The following HNRNPD variants were observed in gnomAD, a reference collection of about 807,000 sequenced individuals.
HNRNPD encodes heterogeneous nuclear ribonucleoprotein D.
Under a neutral mutation model 47.9 loss-of-function variants are expected in HNRNPD, and 3 were observed. The ratio of observed to expected loss-of-function variants is 0.06; its 90% CI spans 0.03 to 0.16. The LOEUF is 0.16. Among genes scored for constraint, HNRNPD ranks in the 10% least tolerant of loss-of-function variants. The pLI is 1.00. For synonymous variants in HNRNPD, 171 were observed against 165.1 expected (o/e 1.04, Z -0.28); for missense variants, 287 against 454.2 (o/e 0.63, Z 3.35).
rs902404848 is a variant in HNRNPD, at chr4:82,353,876, T to A, written c.*309A>T. 2.6e-5 allele frequency: 4 copies of A among 152,642 alleles called. No individual in the cohort carries two copies. The highest frequency in any genetic ancestry group is 4.8e-5 in the African/African-American group (2 of 41,462). 9.5% of individuals were successfully genotyped at this position (152,642 alleles called of 1,614,324 possible). A position where few individuals can be genotyped will look rare whatever the true frequency, so the allele number is the denominator to read the frequency against. On this transcript the variant is annotated 3_prime_UTR_variant, in exon 9 of 9. Transcript: ENST00000313899. ...AAAAAACCAGTAAGACACTACTACA[T>A]CATGACACTGTCACACTGGGCTTTT... is the stretch of plus-strand genomic sequence containing the variant.
At position 82,352,824 on chromosome 4, in the gene HNRNPD, T is replaced by C. The variant is rs1033812902; in HGVS notation, c.*1361A>G. 6.6e-6 allele frequency: 1 copy of C among 152,208 alleles called. No individual in the cohort carries two copies. The highest frequency in any genetic ancestry group is 1.5e-5 in the Non-Finnish European group (1 of 68,036). The allele number at this position is 152,208 out of a possible 1,614,324, so 9.4% of individuals were successfully genotyped here. A position where few individuals can be genotyped will look rare whatever the true frequency, so the allele number is the denominator to read the frequency against. The stretch of plus-strand genomic sequence containing the variant: ...AAACTTTAATAACACTAACTTTTGC[T>C]CATTAAAATGTTTGCTTAGTTGGAG... On this transcript the variant is annotated 3_prime_UTR_variant, in exon 9 of 9. Transcript: ENST00000313899.
chr4:82,358,614 C>A, intron 4 of HNRNPD, 45 bp downstream of exon 4: 1 of 1,548,732 alleles, frequency 6.5e-7, no homozygotes, highest in Non-Finnish European at 8.8e-7. Context: ...CAATCACATT[C>A]ACACTAATTT....
intron 2 of HNRNPD, among the ~76,000 whole-genome samples, chr4:82,370,981 T>TATATACACACACAC (rs142474751): frequency 1.7e-4 from 26 of 149,462 alleles, no homozygotes; most frequent in Non-Finnish European, 2.2e-4. Flanking sequence ...GGTATATATA[T>TATATACACACACAC]ACACACACAC....
chr4:82,368,462 A>G, intron 2 of HNRNPD, among the ~76,000 whole-genome samples: 1 of 152,180 alleles, frequency 6.6e-6, no homozygotes, highest in South Asian at 2.1e-4. Flanking sequence ...AGCACTGAAA[A>G]ACTTCAATGA....
intron 2 of HNRNPD, 136 bp from the exon 3 acceptor site, chr4:82,359,775 A>G (rs185343005): frequency 2.0e-6 from 1 of 492,182 alleles, no homozygotes; most frequent in East Asian, 3.1e-5. Context: ...CTACATAACC[A>G]CACATCAGGA....
Position 82,373,949 on chromosome 4 carries a change from C to G in HNRNPD, c.-271G>C, listed in dbSNP as rs2110008515. The G allele has an allele frequency of 4.0e-6, 3 of 754,166 alleles. No homozygotes were observed. In the Admixed American group the frequency reaches 1.2e-4, roughly 29 times the overall value. The allele number at this position is 754,166 out of a possible 1,614,324, so 46.7% of individuals were successfully genotyped here. A position where few individuals can be genotyped will look rare whatever the true frequency, so the allele number is the denominator to read the frequency against. ...CAGCGGCGGCCGCTCTCGCCTCCTC[C>G]TCGCTTTAATGGCGCCGCCGCGGAC... On this transcript the variant is annotated 5_prime_UTR_variant, in exon 1 of 9. Transcript: ENST00000313899.
In HNRNPD at chr4:82,355,290, T is replaced by C. The variant is rs765317872; in HGVS notation, c.*30+14A>G. On this transcript the variant is annotated intron_variant, in intron 8 of 8. Transcript: ENST00000313899. The stretch of plus-strand genomic sequence containing the variant: ...TATTGTAAATGACAAAAAAAAACTA[T>C]TTTTAGAACATACCTGTTGGGGATA... The C allele has an allele frequency of 2.8e-6, 4 of 1,417,070 alleles. No individual in the cohort carries two copies. The South Asian group carries it at 3.5e-5, about 12-fold the overall frequency. 87.8% of individuals were successfully genotyped at this position (1,417,070 alleles called of 1,614,324 possible).
intron 2 of HNRNPD, among the ~76,000 whole-genome samples, chr4:82,363,268 A>AC (rs1414628119): frequency 6.6e-6 from 1 of 151,668 alleles, no homozygotes; most frequent in Non-Finnish European, 1.5e-5. Context: ...TTTAGTAGAG[A>AC]TGGGGTTTCA....
intron 2 of HNRNPD, among the ~76,000 whole-genome samples, chr4:82,363,447 C>T (rs929543553): frequency 1.3e-4 from 20 of 152,286 alleles, no homozygotes; most frequent in Admixed American, 7.2e-4. Flanking sequence ...CCTCTGCTGC[C>T]TTGAATACAA....
rs1336255764 is a variant in HNRNPD at position 82,373,791 on chromosome 4, C to A, written c.-113G>T. On this transcript the variant is annotated 5_prime_UTR_variant, in exon 1 of 9. Coordinates refer to ENST00000313899, the MANE Select transcript of HNRNPD (RefSeq NM_031370.3). ...CGCGCGCCCGCTCTACCTCGCGAAG[C>A]ACACAAGACAGGGAAGGCGCGCGCG... 4 of 1,519,468 alleles carry A rather than the reference C, an allele frequency of 2.6e-6. No homozygotes were observed. In the African/African-American group the frequency reaches 5.6e-5, roughly 21 times the overall value. The allele number at this position is 1,519,468 out of a possible 1,614,324, so 94.1% of individuals were successfully genotyped here. A position where few individuals can be genotyped will look rare whatever the true frequency, so the allele number is the denominator to read the frequency against.
At chr4:82,355,726 T>C (rs1229444696) in intron 7 of HNRNPD, 4 of 324,350 alleles carry the variant, frequency 1.2e-5, no homozygotes, top group Non-Finnish European at 2.2e-5. Flanking sequence ...TCTTAAAATT[T>C]AGAACAAATT....
At chr4:82,371,775 T>C (rs1047863702) in intron 1 of HNRNPD, among the ~76,000 whole-genome samples, 191 bp from the exon 2 acceptor site, 1 of 152,228 alleles carries the variant, frequency 6.6e-6, no homozygotes, top group South Asian at 2.1e-4. Flanking sequence ...ATTAATCATT[T>C]TGGTGCCTCT....
intron 1 of HNRNPD, 27 bp from the exon 2 acceptor site, chr4:82,371,611 A>G: frequency 6.3e-7 from 1 of 1,597,780 alleles, no homozygotes; most frequent in Non-Finnish European, 8.6e-7. Context: ...CGGTACAGCA[A>G]CCAATCAAAA....
At chr4:82,371,848 T>C (rs1720061106) in intron 1 of HNRNPD, among the ~76,000 whole-genome samples, 1 of 152,190 alleles carries the variant, frequency 6.6e-6, no homozygotes, top group Non-Finnish European at 1.5e-5. Flanking sequence ...TTTCCAAATA[T>C]CTAACATCTT....
intron 2 of HNRNPD, among the ~76,000 whole-genome samples, chr4:82,368,471 G>A (rs1719874258): frequency 6.6e-6 from 1 of 152,092 alleles, no homozygotes. Context: ...AAACTTCAAT[G>A]ACATTCTCCC....
intron 2 of HNRNPD, among the ~76,000 whole-genome samples, chr4:82,368,186 G>A (rs908757511): frequency 1.3e-5 from 2 of 152,174 alleles, no homozygotes; most frequent in Non-Finnish European, 2.9e-5. Flanking sequence ...TTCAAGCATG[G>A]TATGTATTAT....
At chr4:82,368,473 C>T (rs1201743673) in intron 2 of HNRNPD, among the ~76,000 whole-genome samples, 2 of 152,166 alleles carry the variant, frequency 1.3e-5, no homozygotes, top group African/African-American at 4.8e-5. Flanking sequence ...ACTTCAATGA[C>T]ATTCTCCCAA....
At chr4:82,372,413 T>A (rs1399042773) in intron 1 of HNRNPD, among the ~76,000 whole-genome samples, 1 of 152,056 alleles carries the variant, frequency 6.6e-6, no homozygotes, top group Non-Finnish European at 1.5e-5. Flanking sequence ...AAAAAAAGTA[T>A]CCCATAGCAC....
chr4:82,353,336 T>C lies in HNRNPD; in HGVS notation c.*849A>G, dbSNP rs1394098490. 1 of 152,022 alleles carries C rather than the reference T, an allele frequency of 6.6e-6. No homozygotes were observed. Among genetic ancestry groups the C allele is most frequent in the African/African-American group, 2.4e-5 (1 of 41,400 alleles). The allele number at this position is 152,022 out of a possible 1,614,324, so 9.4% of individuals were successfully genotyped here. A position where few individuals can be genotyped will look rare whatever the true frequency, so the allele number is the denominator to read the frequency against. ...AATAAGCACACACACATAAACACGGTATATATTTCTTTAATCCTCCCTCAA... is the reference window on the plus strand; with the variant it reads ...AATAAGCACACACACATAAACACGGCATATATTTCTTTAATCCTCCCTCAA... On this transcript the variant is annotated 3_prime_UTR_variant, in exon 9 of 9. Coordinates refer to ENST00000313899, the MANE Select transcript of HNRNPD (RefSeq NM_031370.3).
Sources: gnomAD v4.1 joint callset for allele counts (sites outside exome capture counted in the v4.1 genomes callset) on GRCh38, gnomAD v4.1.1 for gene constraint, MANE v1.5 for transcripts, NCBI Gene and HGNC (gene_info 2026-07-23, HGNC 2026-07-21) for gene names.